Variants in TUBGCP5 observed in about 807,000 individuals in gnomAD.
The protein encoded by TUBGCP5 is gamma-tubulin complex component 5.
TUBGCP5 carries 98 observed loss-of-function variants against 134.7 expected under a neutral mutation model. That is an observed-to-expected ratio of 0.73 (90% CI 0.62 to 0.86). The LOEUF (loss-of-function observed/expected upper bound fraction) is 0.86, where lower values mean the gene tolerates loss of function less well. TUBGCP5 is among the 40% of genes least tolerant of loss of function. TUBGCP5 has a pLI of 0.00. For missense variants in TUBGCP5, 1,150 were observed against 1,244.8 expected (o/e 0.92, Z 1.15); for synonymous variants, 456 against 431.4 (o/e 1.06, Z -0.71).
Position 22,999,779 on chromosome 15 carries a change from T to C in TUBGCP5, c.*41A>G, listed in dbSNP as rs763917429. On this transcript the variant is annotated 3_prime_UTR_variant, in exon 23 of 23. Transcript: ENST00000615383. ...GCTGCACATGGTGGAAATGTACATG[T>C]ATGATGACAAAGTCGGAGATATTTA... 1 of 1,596,902 alleles carries C rather than the reference T, an allele frequency of 6.3e-7. No individual in the cohort carries two copies. The highest frequency in any genetic ancestry group is 8.6e-7 in the Non-Finnish European group (1 of 1,164,434).
chr15:23,001,644 T>G (rs184853737), intron 21 of TUBGCP5, among the ~76,000 whole-genome samples: 10 of 148,436 alleles, frequency 6.7e-5, no homozygotes, highest in Admixed American at 1.3e-4. Flanking sequence ...TGCTCGGCTT[T>G]CTTTCTTTCT....
chr15:22,994,374 G>A (rs560684983), downstream of TUBGCP5, among the ~76,000 whole-genome samples: 6 of 152,282 alleles, frequency 3.9e-5, no homozygotes, highest in African/African-American at 1.4e-4. Flanking sequence ...ACAGGCGTGA[G>A]CCACCGTGCC....
chr15:23,003,630 CTGT>C (rs1196493866), intron 20 of TUBGCP5, among the ~76,000 whole-genome samples: 43 of 105,986 alleles, frequency 4.1e-4, no homozygotes, highest in African/African-American at 1.4e-3. Flanking sequence ...ACTCCTCCTT[CTGT>C]TTTTTTTTTT....
At chr15:23,037,648 G>A (rs2066673015) in intron 1 of TUBGCP5, among the ~76,000 whole-genome samples, 2 of 152,312 alleles carry the variant, frequency 1.3e-5, no homozygotes, top group East Asian at 1.9e-4. Flanking sequence ...AGATTTAGCA[G>A]TAGGTCCAAT....
chr15:23,001,281 G>A (rs2064355170), intron 21 of TUBGCP5, among the ~76,000 whole-genome samples: 1 of 151,340 alleles, frequency 6.6e-6, no homozygotes, highest in Non-Finnish European at 1.5e-5. Flanking sequence ...GACCTCAGCT[G>A]ATCTGCCCCC....
At position 22,990,772 on chromosome 15, in the gene TUBGCP5, T is replaced by C. The variant is rs555410787; in HGVS notation, c.*61+6073A>G. 1.4e-4 allele frequency among the ~76,000 whole-genome samples: 21 copies of C among 152,244 alleles called. No homozygotes were observed. The East Asian group carries it at 3.5e-3, about 25-fold the overall frequency. The stretch of plus-strand genomic sequence containing the variant: ...GATCTAAGTTCTTGAGATGGGATCA[T>C]CTTAGATTATCTGAAGGGGCCCTAA... On this transcript the variant is annotated intron_variant and NMD_transcript_variant, in intron 23 of 23. Coordinates refer to the TUBGCP5 transcript ENST00000614508.
At chr15:23,012,520 C>T (rs903432007) in intron 13 of TUBGCP5, among the ~76,000 whole-genome samples, 11 of 152,024 alleles carry the variant, frequency 7.2e-5, no homozygotes, top group African/African-American at 2.7e-4. Flanking sequence ...GATTATCTTG[C>T]CTCAGCCTCC....
At chr15:23,035,883 G>A (rs1467610058) in intron 3 of TUBGCP5, among the ~76,000 whole-genome samples, 6 of 152,156 alleles carry the variant, frequency 3.9e-5, no homozygotes, top group Non-Finnish European at 5.9e-5. Flanking sequence ...CTAGGTGTCC[G>A]GGAACAAATC....
intron 1 of TUBGCP5, among the ~76,000 whole-genome samples, chr15:23,037,778 C>T (rs2066679507): frequency 6.6e-6 from 1 of 152,200 alleles, no homozygotes; most frequent in Non-Finnish European, 1.5e-5. Context: ...CTATGGTTTG[C>T]TGCCTTCATT....
intron 19 of TUBGCP5, chr15:23,004,559 A>C: frequency 9.8e-6 from 2 of 204,456 alleles, no homozygotes; most frequent in Non-Finnish European, 1.9e-5. Flanking sequence ...AATCAAGTAA[A>C]TGTGTTACTT....
At chr15:23,026,011 T>C (rs2065961878) in intron 8 of TUBGCP5, 105 bp downstream of exon 8, 3 of 833,128 alleles carry the variant, frequency 3.6e-6, no homozygotes, top group Non-Finnish European at 5.7e-6. Context: ...ATGGACCTTT[T>C]CTAGTTTGCA....
chr15:23,005,280 C>T, intron 19 of TUBGCP5, 152 bp downstream of exon 19: 4 of 848,204 alleles, frequency 4.7e-6, no homozygotes, highest in Non-Finnish European at 7.2e-6. Context: ...ACATTCCTCC[C>T]ACTGCCATGT....
intron 23 of TUBGCP5, among the ~76,000 whole-genome samples, chr15:22,990,358 T>A (rs895136018): frequency 3.9e-5 from 6 of 152,102 alleles, no homozygotes; most frequent in African/African-American, 1.4e-4. Context: ...CGGCTTTGTC[T>A]CAGGTTGTAT....
At chr15:23,024,251 C>T in intron 9 of TUBGCP5, 58 bp from the exon 10 acceptor site, 1 of 1,575,916 alleles carries the variant, frequency 6.3e-7, no homozygotes. Context: ...CATTCAAATT[C>T]ATTTCCCTCT....
At chr15:23,025,830 CAAA>C (rs553348558) in intron 8 of TUBGCP5, among the ~76,000 whole-genome samples, 4 of 62,270 alleles carry the variant, frequency 6.4e-5, no homozygotes, top group East Asian at 4.9e-4. Context: ...GACTCCGTCT[CAAA>C]AAAAAAAAAA....
At position 23,009,963 on chromosome 15, in the gene TUBGCP5, G is replaced by C; in HGVS notation, c.2126C>G (p.Thr709Ser). The C allele has an allele frequency of 6.2e-7, 1 of 1,611,654 alleles. No individual in the cohort carries two copies. The highest frequency in any genetic ancestry group is 1.3e-5 in the African/African-American group (1 of 74,876). The change falls in exon 15 of 23, where the codon ACT (threonine) becomes AGT (serine). Residue 709 changes from threonine to serine, a missense_variant. By Grantham distance (58) the Thr-to-Ser change is moderately conservative (BLOSUM62 1). Transcript: ENST00000615383. ...CTTTTACCTGTAATCTTTTTTTAGA[G>C]TTTGCATGAGATTTCCACAGCAATC... is the stretch of plus-strand genomic sequence containing the variant. ...YLDCCGNLMQ[T>S]LKKDYRLVEY...
At chr15:22,994,573 T>C (rs76147631), downstream of TUBGCP5, among the ~76,000 whole-genome samples, 952 of 152,320 alleles carry the variant, frequency 6.3e-3, 11 homozygotes, top group African/African-American at 0.021. Context: ...CAGTATTCCA[T>C]TGGGTAAATT....
chr15:23,002,005 C>T (rs899534476), intron 21 of TUBGCP5, among the ~76,000 whole-genome samples: 6 of 151,994 alleles, frequency 3.9e-5, no homozygotes, highest in African/African-American at 1.5e-4. Context: ...CCATAAACTG[C>T]GATGGTTGAT....
At chr15:23,033,287 T>C (rs901393089) in intron 3 of TUBGCP5, among the ~76,000 whole-genome samples, 3 of 152,080 alleles carry the variant, frequency 2.0e-5, no homozygotes, top group South Asian at 4.2e-4. Flanking sequence ...TCATATTTTT[T>C]TTCCCCCCGA....
Sources: allele counts gnomAD v4.1 joint callset (sites outside exome capture counted in the v4.1 genomes callset), GRCh38; gene constraint gnomAD v4.1.1; transcripts MANE v1.5; gene names NCBI Gene and HGNC (gene_info 2026-07-23, HGNC 2026-07-21).